The following ERBB4 variants were observed in gnomAD, a reference collection of about 807,000 sequenced individuals.
ERBB4 encodes erb-b2 receptor tyrosine kinase 4.
Under a neutral mutation model 158.0 loss-of-function variants are expected in ERBB4, and 42 were observed. The ratio of observed to expected loss-of-function variants is 0.27; its 90% CI spans 0.21 to 0.34. The LOEUF is 0.34. ERBB4 is among the 10% of genes least tolerant of loss of function. The pLI is 1.00. For synonymous variants in ERBB4, 583 were observed against 558.7 expected, an observed-to-expected ratio of 1.04 and a Z score of -0.61; for missense variants, 1,333 against 1,624.1, an observed-to-expected ratio of 0.82 and a Z score of 3.08.
Position 212,328,377 on chromosome 2 carries a change from C to T in ERBB4, c.83-203474G>A, listed in dbSNP as rs74951973. Among the ~76,000 whole-genome samples the T allele has an allele frequency of 1.6e-3, 239 of 152,058 alleles. 3 individuals carry two copies. In the East Asian group the frequency reaches 0.025, roughly 16 times the overall value. On this transcript the variant is annotated intron_variant, in intron 1 of 27. Transcript: ENST00000342788. ...ATCTTTTATTACCCAGACTTGTATA[C>T]GACTTAGCACCGCTTCTGCTATAAT...
rs559428739 is a variant in ERBB4 at position 211,570,141 on chromosome 2, T to G, written c.2302-8053A>C. Among the ~76,000 whole-genome samples, 10 of 152,130 alleles carry G rather than the reference T, an allele frequency of 6.6e-5. No individual in the cohort carries two copies. In the South Asian group the frequency reaches 2.1e-3, roughly 32 times the overall value. Reference sequence around the variant, plus strand: ...GTTGTTTAAAATTTATTTATTTTTGTGTTTTTTATGTTTTATTATTTTGTT... The same window carrying G: ...GTTGTTTAAAATTTATTTATTTTTGGGTTTTTTATGTTTTATTATTTTGTT... On this transcript the variant is annotated intron_variant, in intron 19 of 27. Transcript: ENST00000342788.
intron 2 of ERBB4, among the ~76,000 whole-genome samples, chr2:212,112,919 A>C (rs561103227): frequency 6.6e-6 from 1 of 152,360 alleles, no homozygotes; most frequent in Non-Finnish European, 1.5e-5. Flanking sequence ...TTATCTGTTC[A>C]AAAAATAAAA....
At chr2:211,703,121 G>A (rs2073312664) in intron 11 of ERBB4, among the ~76,000 whole-genome samples, 1 of 151,670 alleles carries the variant, frequency 6.6e-6, no homozygotes, top group Admixed American at 6.6e-5. Context: ...TTGTCAGGGT[G>A]TGTGTGTGTG....
chr2:211,890,106 G>C (rs2078923154), intron 3 of ERBB4, among the ~76,000 whole-genome samples: 1 of 85,462 alleles, frequency 1.2e-5, no homozygotes, highest in African/African-American at 5.1e-5. Flanking sequence ...ATAATTGTCA[G>C]ATTCACCAAA....
intron 1 of ERBB4, among the ~76,000 whole-genome samples, chr2:212,201,018 C>T (rs992207915): frequency 1.3e-5 from 2 of 152,136 alleles, no homozygotes; most frequent in African/African-American, 4.8e-5. Context: ...CCACGAATGT[C>T]TACTCCTTTA....
chr2:212,210,686 T>C (rs552569486), intron 1 of ERBB4, among the ~76,000 whole-genome samples: 1 of 152,220 alleles, frequency 6.6e-6, no homozygotes, highest in East Asian at 1.9e-4. Context: ...AACAAGAGAA[T>C]CGAGAGTCAG....
intron 3 of ERBB4, among the ~76,000 whole-genome samples, chr2:211,892,932 C>T (rs2125009933): frequency 6.9e-6 from 1 of 145,022 alleles, no homozygotes; most frequent in East Asian, 2.0e-4. Context: ...AATGGAAGAA[C>T]ATTCCATGCT....
intron 1 of ERBB4, among the ~76,000 whole-genome samples, chr2:212,441,841 G>A (rs985667659): frequency 1.7e-4 from 26 of 152,206 alleles, no homozygotes; most frequent in African/African-American, 6.0e-4. Context: ...TGGGATGGTG[G>A]CGTGGATTAA....
intron 1 of ERBB4, among the ~76,000 whole-genome samples, chr2:212,138,698 G>A (rs776581737): frequency 6.6e-6 from 1 of 152,160 alleles, no homozygotes; most frequent in Non-Finnish European, 1.5e-5. Flanking sequence ...CCAGGTTAGT[G>A]TATATCTTTT....
chr2:211,964,525 C>G (rs2081263187), intron 2 of ERBB4, among the ~76,000 whole-genome samples: 1 of 152,138 alleles, frequency 6.6e-6, no homozygotes, highest in Non-Finnish European at 1.5e-5. Flanking sequence ...TCATTTAACA[C>G]TCTTGAATTT....
In ERBB4 at chr2:211,944,181, ATATATATATATATATATAC is replaced by A. The variant is rs1559154647; in HGVS notation, c.421+3230_421+3248del. Among the ~76,000 whole-genome samples the A allele has an allele frequency of 1.6e-3, 70 of 43,042 alleles. 5 individuals are homozygous for A. In the East Asian group the frequency reaches 0.022, roughly 14 times the overall value. The allele number at this position is 43,042 out of a possible 152,430, so 28.2% of individuals were successfully genotyped here. ...TATATACACTATATATATATACTAT[ATATATATATATATATATAC>A]TATATATATATATACACACACACAC... On this transcript the variant is annotated intron_variant, in intron 3 of 27. Transcript: ENST00000342788.
At chr2:211,966,014 C>A (rs1323985943) in intron 2 of ERBB4, among the ~76,000 whole-genome samples, 1 of 152,074 alleles carries the variant, frequency 6.6e-6, no homozygotes, top group Admixed American at 6.5e-5. Context: ...GAATTCAAGA[C>A]CAGCGTGGGT....
intron 1 of ERBB4, among the ~76,000 whole-genome samples, chr2:212,417,245 T>G (rs558742039): frequency 2.0e-5 from 3 of 152,162 alleles, no homozygotes; most frequent in South Asian, 4.1e-4. Context: ...CATAAGTATT[T>G]GTGGCAGATG....
intron 2 of ERBB4, among the ~76,000 whole-genome samples, chr2:212,097,422 A>C (rs1035710064): frequency 2.0e-5 from 3 of 152,170 alleles, no homozygotes; most frequent in African/African-American, 4.8e-5. Context: ...GATTTGACTA[A>C]GGGCCTGGAT....
intron 3 of ERBB4, among the ~76,000 whole-genome samples, chr2:211,925,376 CTTTTTTTTTT>C (rs71054150): frequency 6.1e-5 from 5 of 81,576 alleles, no homozygotes; most frequent in East Asian, 3.3e-4. Context: ...AACAAGACTG[CTTTTTTTTTT>C]TTTTTTTTTT....
At chr2:211,757,722 T>G (rs1015718929) in intron 4 of ERBB4, among the ~76,000 whole-genome samples, 1 of 152,344 alleles carries the variant, frequency 6.6e-6, no homozygotes, top group Non-Finnish European at 1.5e-5. Context: ...AGATAGCTAA[T>G]GGACAGGCCA....
intron 20 of ERBB4, among the ~76,000 whole-genome samples, chr2:211,533,421 G>A (rs560837040): frequency 3.4e-4 from 52 of 151,948 alleles, no homozygotes; most frequent in Admixed American, 6.6e-4. Context: ...AATAGAGCTC[G>A]TATGTCTTTA....
intron 20 of ERBB4, among the ~76,000 whole-genome samples, chr2:211,438,373 T>C (rs897490851): frequency 1.3e-5 from 2 of 152,196 alleles, no homozygotes; most frequent in Non-Finnish European, 1.5e-5. Flanking sequence ...GTAAAAATCA[T>C]CTTAGTGCAT....
intron 2 of ERBB4, among the ~76,000 whole-genome samples, chr2:212,057,164 A>C (rs1230821262): frequency 6.6e-6 from 1 of 152,218 alleles, no homozygotes; most frequent in East Asian, 1.9e-4. Context: ...AAACCAGCAA[A>C]GATCGAAAGA....
Sources: allele counts gnomAD v4.1 joint callset (sites outside exome capture counted in the v4.1 genomes callset), GRCh38; gene constraint gnomAD v4.1.1; transcripts MANE v1.5; gene names NCBI Gene and HGNC (gene_info 2026-07-23, HGNC 2026-07-21).